Variants in CDC25B observed in about 807,000 individuals in gnomAD.
CDC25B encodes the protein cell division cycle 25B, also known as M-phase inducer phosphatase 2.
A neutral mutation model predicts 69.8 loss-of-function variants in CDC25B; 33 were observed. That is an observed-to-expected ratio of 0.47 (90% CI 0.36 to 0.63). CDC25B has a LOEUF of 0.63. Ranked by LOEUF, CDC25B falls within the 30% of genes least tolerant of loss-of-function variation. The pLI is 0.00. For missense variants in CDC25B, 727 were observed against 809.1 expected (o/e 0.90, Z 1.23); for synonymous variants, 341 against 314.6 (o/e 1.08, Z -0.89).
Position 3,803,337 on chromosome 20 carries a change from C to T in CDC25B, c.1357-67C>T, listed in dbSNP as rs2089355439. 1.5e-5 allele frequency: 24 copies of T among 1,607,142 alleles called. No individual in the cohort carries two copies. The highest frequency in any genetic ancestry group is 8.9e-5 in the East Asian group (4 of 44,840). On this transcript the variant is annotated intron_variant, in intron 13 of 15. Transcript: ENST00000245960. The surrounding 1 kb of genome is among the most constrained non-coding windows in gnomAD (Gnocchi z 4.9). ...AGGGTTCCTACTAAGAGAAGGACAG[C>T]GACTGCACGGGGAGGGCCCTGACTC...
upstream of CDC25B, among the ~76,000 whole-genome samples, chr20:3,791,569 G>A (rs1222357905): frequency 1.3e-5 from 2 of 152,136 alleles, no homozygotes; most frequent in Non-Finnish European, 2.9e-5. Flanking sequence ...TGTAGTCACA[G>A]CTACTTGGGA....
At chr20:3,801,587 G>T in intron 8 of CDC25B, 135 bp from the exon 9 acceptor site, 2 of 1,013,576 alleles carry the variant, frequency 2.0e-6, no homozygotes, top group Non-Finnish European at 2.9e-6. Context: ...GGCGGTTTGG[G>T]AGGTAGGGGA....
intron 3 of CDC25B, among the ~76,000 whole-genome samples, chr20:3,799,043 G>A (rs2089168902): frequency 6.6e-6 from 1 of 152,142 alleles, no homozygotes; most frequent in Non-Finnish European, 1.5e-5. Context: ...CTTGGCTGTG[G>A]GCATGGGTGG....
At chr20:3,793,486 C>T (rs1208079283), upstream of CDC25B, among the ~76,000 whole-genome samples, 3 of 151,686 alleles carry the variant, frequency 2.0e-5, no homozygotes, top group Non-Finnish European at 4.4e-5. Flanking sequence ...CCCAGAACCC[C>T]TCTGTGGTCT....
chr20:3,797,076 C>T (rs2089084387), intron 1 of CDC25B, among the ~76,000 whole-genome samples: 1 of 152,232 alleles, frequency 6.6e-6, no homozygotes, highest in Admixed American at 6.5e-5. Context: ...GAATCTCAAG[C>T]CTGGAGAGGG....
intron 14 of CDC25B, among the ~76,000 whole-genome samples, chr20:3,804,146 ACCTGGGCACCGGG>A (rs2089390293): frequency 6.6e-6 from 1 of 151,734 alleles, no homozygotes; most frequent in African/African-American, 2.4e-5. Flanking sequence ...ACCCACCTCC[ACCTGGGCACCGGG>A]CCTGGGCACT....
chr20:3,790,039 C>T (rs1370724203), intron 1 of CDC25B, among the ~76,000 whole-genome samples: 2 of 151,930 alleles, frequency 1.3e-5, no homozygotes, highest in African/African-American at 4.8e-5. Context: ...GTAGTCCTAG[C>T]TCCTAGGGAG....
intron 1 of CDC25B, among the ~76,000 whole-genome samples, chr20:3,789,476 T>G (rs1199512580): frequency 6.6e-6 from 1 of 152,072 alleles, no homozygotes; most frequent in Non-Finnish European, 1.5e-5. Flanking sequence ...GTTCAAGCAA[T>G]TCTCCTGCTT....
chr20:3,801,566 C>G (rs2089284400), intron 8 of CDC25B, 156 bp from the exon 9 acceptor site: 1 of 1,051,852 alleles, frequency 9.5e-7, no homozygotes, highest in South Asian at 1.6e-5. Context: ...GTGGCTGGTG[C>G]CACAGTGGAG....
chr20:3,795,294 G>A (rs1051095918), upstream of CDC25B, among the ~76,000 whole-genome samples: 3 of 152,024 alleles, frequency 2.0e-5, no homozygotes, highest in African/African-American at 7.3e-5. Context: ...CCGGGTGGCG[G>A]AGGTTGTAGT....
intron 1 of CDC25B, among the ~76,000 whole-genome samples, chr20:3,797,139 C>A (rs2089086964): frequency 6.6e-6 from 1 of 152,158 alleles, no homozygotes. Flanking sequence ...CCCCTGCTCC[C>A]TCCACCCCAG....
chr20:3,799,538 G>GCGCGCA (rs2089199563), intron 3 of CDC25B, among the ~76,000 whole-genome samples: 1 of 151,314 alleles, frequency 6.6e-6, no homozygotes, highest in African/African-American at 2.4e-5. Flanking sequence ...GCGCGCGCGC[G>GCGCGCA]TAGATGCACA....
At chr20:3,797,219 G>A (rs1183751030) in intron 1 of CDC25B, among the ~76,000 whole-genome samples, 28 of 152,176 alleles carry the variant, frequency 1.8e-4, no homozygotes, top group Admixed American at 1.8e-3. Flanking sequence ...GGGGAGAGCT[G>A]GGTTGTTCCA....
chr20:3,795,657 G>A (rs1454983479), upstream of CDC25B: 9 of 958,324 alleles, frequency 9.4e-6, no homozygotes, highest in Non-Finnish European at 1.1e-5. Context: ...CTGGGGTCCC[G>A]CGAAAGAGCC....
rs1056720 is a variant in CDC25B at position 3,803,463 on chromosome 20, C to T, written c.1416C>T (p.Ile472=). 0.24 allele frequency: 382,212 copies of T among 1,613,724 alleles called. 47,085 individuals carry two copies. Among genetic ancestry groups the T allele is most frequent in the East Asian group, 0.37 (16,565 of 44,828 alleles). The change falls in exon 14 of 16, where the codon ATC becomes ATT. Residue 472 remains isoleucine, a synonymous_variant. Coordinates refer to ENST00000245960, the MANE Select transcript of CDC25B (RefSeq NM_021873.4). This position sits in a 1 kb window ranked among gnomAD's most constrained non-coding sequence, Gnocchi z 4.9. ...DAESFLLKSP[I]APCSLDKRVI... ...AGAGCTTCCTACTGAAGAGCCCCAT[C>T]GCGCCCTGTAGCCTGGACAAGAGAG... is the stretch of plus-strand genomic sequence containing the variant.
intron 2 of CDC25B, 25 bp from the exon 3 acceptor site, chr20:3,798,387 A>G (rs766387720): frequency 1.4e-6 from 2 of 1,435,044 alleles, no homozygotes. Context: ...CACTACTTTC[A>G]AACCAAGGTG....
At chr20:3,790,103 C>A (rs2088889480) in intron 1 of CDC25B, among the ~76,000 whole-genome samples, 1 of 151,870 alleles carries the variant, frequency 6.6e-6, no homozygotes, top group African/African-American at 2.4e-5. Flanking sequence ...CTGCAATGAA[C>A]TATGATTGCA....
chr20:3,794,274 T>G (rs1040932149), upstream of CDC25B, among the ~76,000 whole-genome samples: 20 of 151,370 alleles, frequency 1.3e-4, no homozygotes, highest in Admixed American at 2.6e-4. Context: ...TTTCCTGACT[T>G]TTTAATGATT....
rs780682683 is a variant in CDC25B at position 3,798,434 on chromosome 20, C to G, written c.351C>G (p.Ser117Arg). ...CAGGTCTCTGCATGGATTCCCCCAG[C>G]CCTATGGACCCCCACATGGCGGAGC... Reference protein sequence around the residue: ...SDAGLCMDSPSPMDPHMAEQT... With the variant: ...SDAGLCMDSPRPMDPHMAEQT... Residue 117 changes from serine (S) to arginine (R), a missense_variant, in exon 3 of 16, where the codon AGC (serine) becomes AGG (arginine). This residue lies in a region of CDC25B where 368 missense variants were observed against 345.6 expected (regional missense o/e 1.06). Transcript: ENST00000245960. The G allele has an allele frequency of 2.5e-6, 4 of 1,598,596 alleles. No individual in the cohort carries two copies. The African/African-American group carries it at 5.4e-5, about 22-fold the overall frequency.
Sources: allele counts gnomAD v4.1 joint callset (sites outside exome capture counted in the v4.1 genomes callset), GRCh38; gene constraint gnomAD v4.1.1; regional missense constraint gnomAD v4.1.1; non-coding constraint Gnocchi (gnomAD v3.1); transcripts MANE v1.5; gene names NCBI Gene and HGNC (gene_info 2026-07-23, HGNC 2026-07-21).